Variants in BRWD1 observed in about 807,000 individuals in gnomAD.
The protein encoded by BRWD1 is bromodomain and WD repeat domain containing 1.
In BRWD1, 82 loss-of-function variants were observed where a neutral mutation model predicts 251.2. The ratio of observed to expected loss-of-function variants is 0.33; its 90% CI spans 0.27 to 0.39. The LOEUF (loss-of-function observed/expected upper bound fraction) is 0.39. Among genes scored for constraint, BRWD1 ranks in the 10% least tolerant of loss-of-function variants. BRWD1 has a pLI of 1.00. For missense variants in BRWD1, 2,233 were observed against 2,711.6 expected (o/e 0.82, Z 3.92); for synonymous variants, 918 against 902.8 (o/e 1.02, Z -0.30).
Position 39,264,484 on chromosome 21 carries a change from G to C in BRWD1, c.1861C>G (p.Pro621Ala). The C allele has an allele frequency of 6.2e-7, 1 of 1,604,100 alleles. No individual in the cohort carries two copies. The highest frequency in any genetic ancestry group is 8.5e-7 in the Non-Finnish European group (1 of 1,176,394). Reference sequence around the variant, plus strand: ...CTTGTTGCCACATAGCCCAGCTGTGGAATCAAATGTTCATCTGCAGAATTT... The same window carrying C: ...CTTGTTGCCACATAGCCCAGCTGTGCAATCAAATGTTCATCTGCAGAATTT... ...RENSADEHLI[P>A]QLGYVATSDG... Residue 621 changes from proline to alanine, a missense_variant, in exon 17 of 41, where the codon CCA (proline) becomes GCA (alanine). By Grantham distance (27) the Pro-to-Ala change is conservative. Coordinates refer to ENST00000342449, the MANE Select transcript of BRWD1 (RefSeq NM_033656.4).
intron 7 of BRWD1, 79 bp from the exon 8 acceptor site, chr21:39,294,111 T>C (rs1325187508): frequency 8.5e-7 from 1 of 1,171,364 alleles, no homozygotes; most frequent in Non-Finnish European, 1.2e-6. Flanking sequence ...TTATATGCCA[T>C]CCAAATTAAC....
At chr21:39,224,314 G>A (rs2033296637) in intron 29 of BRWD1, 94 bp downstream of exon 29, 1 of 648,764 alleles carries the variant, frequency 1.5e-6, no homozygotes, top group Non-Finnish European at 2.5e-6. Context: ...TGAATATATT[G>A]ATCATAGAAT....
At chr21:39,212,382 T>C (rs1368182653) in intron 34 of BRWD1, among the ~76,000 whole-genome samples, 1 of 152,176 alleles carries the variant, frequency 6.6e-6, no homozygotes, top group African/African-American at 2.4e-5. Flanking sequence ...TGTAGTTCCC[T>C]TAACAGTCTA....
chr21:39,292,164 C>T (rs975994192), intron 8 of BRWD1, among the ~76,000 whole-genome samples: 6 of 140,636 alleles, frequency 4.3e-5, no homozygotes, highest in Admixed American at 7.5e-5. Context: ...TTGCCCAGGC[C>T]GGGTCTCAAA....
rs1601232994 is a variant in BRWD1 at position 39,196,151 on chromosome 21, A to T, written c.*108T>A. On this transcript the variant is annotated 3_prime_UTR_variant, in exon 41 of 41. Coordinates refer to ENST00000342449, the MANE Select transcript of BRWD1 (RefSeq NM_033656.4). ...CACATTCATAACTTTTCATAGAAAA[A>T]TATAAATATATTCCCTGAATTGTAA... is the stretch of plus-strand genomic sequence containing the variant. 3.4e-6 allele frequency: 5 copies of T among 1,468,032 alleles called. No homozygotes were observed. In the East Asian group the frequency reaches 1.2e-4, roughly 35 times the overall value. The allele number at this position is 1,468,032 out of a possible 1,614,324, so 90.9% of individuals were successfully genotyped here.
At chr21:39,233,963 T>G (rs953079062) in intron 23 of BRWD1, among the ~76,000 whole-genome samples, 3 of 152,188 alleles carry the variant, frequency 2.0e-5, no homozygotes, top group African/African-American at 7.2e-5. Context: ...GAGGTTGCAG[T>G]GAGCCGAGAT....
Position 39,264,497 on chromosome 21 carries a change from A to G in BRWD1, c.1848T>C (p.Asp616=). ...RLVPGRENSA[D]EHLIPQLGYV... ...AGCCCAGCTGTGGAATCAAATGTTC[A>G]TCTGCAGAATTTTCTCGGCCTGGTA... Residue 616 remains aspartate (D), a synonymous_variant, in exon 17 of 41, where the codon GAT becomes GAC. Transcript: ENST00000342449. The G allele has an allele frequency of 6.2e-7, 1 of 1,610,572 alleles. No homozygotes were observed. The highest frequency in any genetic ancestry group is 8.5e-7 in the Non-Finnish European group (1 of 1,179,318).
rs1185800190 is a variant in BRWD1 at position 39,236,582 on chromosome 21, AC to A, written c.2766+12del. 1.9e-6 allele frequency: 3 copies of A among 1,562,588 alleles called. No individual in the cohort carries two copies. The highest frequency in any genetic ancestry group is 1.4e-5 in the African/African-American group (1 of 73,256). ...CATGATACATGCTATTTTTAAAGAT[AC>A]GTTTTTCTTACCTCCTTCTTAGGCT... On this transcript the variant is annotated intron_variant, in intron 23 of 40. Transcript: ENST00000342449.
chr21:39,227,087 T>G (rs1165647864), intron 27 of BRWD1, among the ~76,000 whole-genome samples: 1 of 152,096 alleles, frequency 6.6e-6, no homozygotes, highest in Non-Finnish European at 1.5e-5. Context: ...GCCCAGGAAG[T>G]TGAGGCTGCA....
chr21:39,255,498 A>G (rs1395455659), intron 19 of BRWD1, 147 bp downstream of exon 19: 2 of 660,428 alleles, frequency 3.0e-6, no homozygotes, highest in African/African-American at 1.8e-5. Context: ...ACATTTTCCT[A>G]CCACAATTAA....
chr21:39,203,295 T>C (rs907494352), intron 37 of BRWD1, among the ~76,000 whole-genome samples: 1 of 152,008 alleles, frequency 6.6e-6, no homozygotes, highest in Non-Finnish European at 1.5e-5. Context: ...CTACAAAAAA[T>C]TTAAAAATTA....
chr21:39,249,913 GGGGT>G (rs565621896), intron 20 of BRWD1, among the ~76,000 whole-genome samples: 26,493 of 132,340 alleles, frequency 0.2, 2,502 homozygotes, highest in African/African-American at 0.28. Context: ...AAAAAGAAGG[GGGGT>G]GTGTGTGTGT....
chr21:39,305,016 G>C (rs1237545210), intron 4 of BRWD1, among the ~76,000 whole-genome samples: 1 of 142,192 alleles, frequency 7.0e-6, no homozygotes, highest in Non-Finnish European at 1.5e-5. Context: ...CTGGAGTGCA[G>C]TGGCACAATC....
At chr21:39,253,720 T>A (rs1023980456) in intron 19 of BRWD1, among the ~76,000 whole-genome samples, 1 of 152,350 alleles carries the variant, frequency 6.6e-6, no homozygotes, top group East Asian at 1.9e-4. Context: ...GAAACTCTTC[T>A]GGTTAAACAT....
intron 17 of BRWD1, among the ~76,000 whole-genome samples, chr21:39,262,598 C>T (rs544071539): frequency 6.6e-6 from 1 of 152,190 alleles, no homozygotes; most frequent in Admixed American, 6.5e-5. Context: ...ACCTGTAGTC[C>T]CAGCTACTCA....
intron 33 of BRWD1, 73 bp from the exon 34 acceptor site, chr21:39,212,780 A>AC (rs2032718407): frequency 9.1e-7 from 1 of 1,099,726 alleles, no homozygotes; most frequent in Non-Finnish European, 1.3e-6. Context: ...TTAATAAATA[A>AC]CATATCAAAG....
rs891586700 is a variant in BRWD1 at position 39,219,165 on chromosome 21, A to T, written c.3383-505T>A. Among the ~76,000 whole-genome samples, 65 of 152,194 alleles carry T rather than the reference A, an allele frequency of 4.3e-4. 1 individual carries two copies. The highest frequency in any genetic ancestry group is 1.3e-4 in the Admixed American group (2 of 15,280). On this transcript the variant is annotated intron_variant, in intron 29 of 40. Coordinates refer to ENST00000342449, the MANE Select transcript of BRWD1 (RefSeq NM_033656.4). The stretch of plus-strand genomic sequence containing the variant: ...AGCAGGCAGGGTGGCTGACGCCTGT[A>T]ATCCTAGCACTTTCAGAGGCCGAGG...
At chr21:39,250,719 T>TA in intron 20 of BRWD1, 77 bp downstream of exon 20, 1 of 915,326 alleles carries the variant, frequency 1.1e-6, no homozygotes, top group South Asian at 1.8e-5. Flanking sequence ...AAGTTACTGA[T>TA]AGTTTTATAA....
At position 39,186,970 on chromosome 21, in the gene BRWD1, C is replaced by T; in HGVS notation, c.*9289G>A. On this transcript the variant is annotated 3_prime_UTR_variant, in exon 41 of 41. Transcript: ENST00000342449. ...TAGAGCTGGGAGCAGAATGTAACTGCCAGTTTACTTGTGTACCAATTGTTT... is the reference window on the plus strand; with the variant it reads ...TAGAGCTGGGAGCAGAATGTAACTGTCAGTTTACTTGTGTACCAATTGTTT... 1 of 1,501,398 alleles carries T rather than the reference C, an allele frequency of 6.7e-7. No homozygotes were observed. Among genetic ancestry groups the T allele is most frequent in the Non-Finnish European group, 8.8e-7 (1 of 1,130,572 alleles). The allele number at this position is 1,501,398 out of a possible 1,614,324, so 93.0% of individuals were successfully genotyped here. A position where few individuals can be genotyped will look rare whatever the true frequency, so the allele number is the denominator to read the frequency against.
Sources: gnomAD v4.1 joint callset for allele counts (sites outside exome capture counted in the v4.1 genomes callset) on GRCh38, gnomAD v4.1.1 for gene constraint, MANE v1.5 for transcripts, NCBI Gene and HGNC (gene_info 2026-07-23, HGNC 2026-07-21) for gene names.